LRMDA: variants seen among roughly 807,000 people sequenced by gnomAD.
LRMDA encodes the protein leucine rich melanocyte differentiation associated.
Under a neutral mutation model 29.8 loss-of-function variants are expected in LRMDA, and 18 were observed. The ratio of observed to expected loss-of-function variants is 0.60; its 90% CI spans 0.42 to 0.90. LRMDA has a LOEUF of 0.90. Ranked by LOEUF, LRMDA falls within the 40% of genes least tolerant of loss-of-function variation. The pLI is 0.00. For missense variants in LRMDA, 273 were observed against 273.9 expected, an observed-to-expected ratio of 1.00 and a Z score of 0.02; for synonymous variants, 125 against 109.4, an observed-to-expected ratio of 1.14 and a Z score of -0.89.
intron 5 of LRMDA, among the ~76,000 whole-genome samples, chr10:76,256,685 T>A (rs935886075): frequency 6.6e-6 from 1 of 152,098 alleles, no homozygotes; most frequent in Admixed American, 6.5e-5. Context: ...TTGCCAGGAG[T>A]TCTGTTGTAT....
chr10:75,433,030 T>C (rs967475447), intron 1 of LRMDA, among the ~76,000 whole-genome samples: 11 of 152,140 alleles, frequency 7.2e-5, no homozygotes, highest in African/African-American at 2.4e-4. Context: ...AGAAGTGAGT[T>C]AACAGCCTGC....
At chr10:75,631,264 C>A (rs1295517331) in intron 2 of LRMDA, among the ~76,000 whole-genome samples, 1 of 152,126 alleles carries the variant, frequency 6.6e-6, no homozygotes, top group Non-Finnish European at 1.5e-5. Flanking sequence ...ACCTCCCCTG[C>A]TGCTCTACTC....
chr10:75,436,998 C>G (rs942960189), intron 1 of LRMDA, among the ~76,000 whole-genome samples: 7 of 152,160 alleles, frequency 4.6e-5, no homozygotes, highest in Non-Finnish European at 1.0e-4. Flanking sequence ...CTTCTTGAGT[C>G]AAAATTACTT....
At chr10:75,727,128 G>A (rs1022634668) in intron 2 of LRMDA, among the ~76,000 whole-genome samples, 2 of 152,190 alleles carry the variant, frequency 1.3e-5, no homozygotes, top group African/African-American at 2.4e-5. Context: ...TGTGAGCAAT[G>A]TCCCTGGCGT....
chr10:75,822,898 A>G (rs537624831), intron 2 of LRMDA, among the ~76,000 whole-genome samples: 91 of 152,314 alleles, frequency 6.0e-4, no homozygotes, highest in Non-Finnish European at 1.1e-3. Flanking sequence ...TACCCTATCC[A>G]ATAAATAATG....
At chr10:76,145,475 C>A (rs1312916804) in intron 5 of LRMDA, among the ~76,000 whole-genome samples, 1 of 152,076 alleles carries the variant, frequency 6.6e-6, no homozygotes, top group South Asian at 2.1e-4. Flanking sequence ...AGTTTATTTG[C>A]GTAGAGGTGT....
At chr10:75,569,044 A>G (rs544558586) in intron 2 of LRMDA, among the ~76,000 whole-genome samples, 1 of 152,140 alleles carries the variant, frequency 6.6e-6, no homozygotes, top group South Asian at 2.1e-4. Flanking sequence ...GTGGGGCTCA[A>G]TCCACTTCAG....
intron 2 of LRMDA, among the ~76,000 whole-genome samples, chr10:75,446,234 C>T (rs1223974193): frequency 6.6e-6 from 1 of 152,228 alleles, no homozygotes; most frequent in Non-Finnish European, 1.5e-5. Flanking sequence ...TGGCTTGAAA[C>T]CCTGCTTCTG....
intron 5 of LRMDA, among the ~76,000 whole-genome samples, chr10:76,078,793 G>T (rs542595250): frequency 5.8e-4 from 89 of 152,204 alleles, no homozygotes; most frequent in African/African-American, 2.0e-3. Flanking sequence ...CTGAGATCGC[G>T]CCATGCACTC....
chr10:76,231,319 C>T lies in LRMDA; in HGVS notation c.517-93082C>T, dbSNP rs1402048170. ...ATGACAATAGATACTGCATTGATTTCGGTGTTTTAATTGTGAAAGTCATTT... is the reference window on the plus strand; with the variant it reads ...ATGACAATAGATACTGCATTGATTTTGGTGTTTTAATTGTGAAAGTCATTT... On this transcript the variant is annotated intron_variant, in intron 5 of 6. Coordinates refer to ENST00000611255, the MANE Select transcript of LRMDA (RefSeq NM_001305581.2). Among the ~76,000 whole-genome samples, 4 of 152,126 alleles carry T rather than the reference C, an allele frequency of 2.6e-5. No homozygotes were observed. The South Asian group carries it at 6.2e-4, about 24-fold the overall frequency.
intron 6 of LRMDA, among the ~76,000 whole-genome samples, chr10:76,406,467 T>C (rs991850826): frequency 6.6e-6 from 1 of 152,218 alleles, no homozygotes; most frequent in Non-Finnish European, 1.5e-5. Flanking sequence ...GTAAGATGTA[T>C]AGGCAGTTGG....
At chr10:75,984,075 A>C (rs938852280) in intron 2 of LRMDA, among the ~76,000 whole-genome samples, 2 of 152,188 alleles carry the variant, frequency 1.3e-5, no homozygotes, top group African/African-American at 4.8e-5. Context: ...CTAGCCGTGC[A>C]CCACAAGGTC....
chr10:75,526,396 A>G (rs1311926935), intron 2 of LRMDA, among the ~76,000 whole-genome samples: 1 of 152,086 alleles, frequency 6.6e-6, no homozygotes, highest in Admixed American at 6.6e-5. Flanking sequence ...TAAGGCTGAG[A>G]TTGGCAGGTA....
chr10:76,040,570 T>TTCTC (rs145651283), intron 3 of LRMDA, among the ~76,000 whole-genome samples: 1 of 145,720 alleles, frequency 6.9e-6, no homozygotes, highest in Non-Finnish European at 1.5e-5. Flanking sequence ...CTCACACTCT[T>TTCTC]TCTCTCTCTC....
intron 2 of LRMDA, among the ~76,000 whole-genome samples, chr10:75,751,097 C>T (rs975240493): frequency 5.3e-5 from 8 of 152,326 alleles, no homozygotes; most frequent in Admixed American, 3.3e-4. Context: ...GCAGATCACT[C>T]GCGGTCAGGA....
intron 2 of LRMDA, among the ~76,000 whole-genome samples, chr10:75,706,581 G>T (rs1353692987): frequency 6.6e-6 from 1 of 152,288 alleles, no homozygotes; most frequent in African/African-American, 2.4e-5. Context: ...GTAGGTAATA[G>T]AATTCAGGAA....
At position 76,559,309 on chromosome 10, in the gene LRMDA, C is replaced by T. The variant is rs906852334; in HGVS notation, c.*2021C>T. The T allele has an allele frequency of 1.3e-5, 2 of 152,156 alleles. No homozygotes were observed. Among genetic ancestry groups the T allele is most frequent in the South Asian group, 2.1e-4 (1 of 4,824 alleles). 9.4% of individuals were successfully genotyped at this position (152,156 alleles called of 1,614,324 possible). Reference sequence around the variant, plus strand: ...GTATCATGCGCAGGAATGTCTCCCTCAATGTGAGCTTTGGAGGCAAAACAT... The same window carrying T: ...GTATCATGCGCAGGAATGTCTCCCTTAATGTGAGCTTTGGAGGCAAAACAT... On this transcript the variant is annotated 3_prime_UTR_variant, in exon 7 of 7. Transcript: ENST00000611255.
At chr10:76,155,736 G>T (rs576481337) in intron 5 of LRMDA, among the ~76,000 whole-genome samples, 2 of 152,124 alleles carry the variant, frequency 1.3e-5, no homozygotes, top group Non-Finnish European at 2.9e-5. Flanking sequence ...AACTTTTGCT[G>T]TATTAGGGTG....
At chr10:75,797,787 T>C (rs1235922003) in intron 2 of LRMDA, among the ~76,000 whole-genome samples, 1 of 152,196 alleles carries the variant, frequency 6.6e-6, no homozygotes, top group African/African-American at 2.4e-5. Flanking sequence ...GTTTGTTCAT[T>C]TGTCAGTTGA....
Sources: allele counts gnomAD v4.1 joint callset (sites outside exome capture counted in the v4.1 genomes callset), GRCh38; gene constraint gnomAD v4.1.1; transcripts MANE v1.5; gene names NCBI Gene and HGNC (gene_info 2026-07-23, HGNC 2026-07-21).